FSTL4: variants seen among roughly 807,000 people sequenced by gnomAD.
FSTL4 encodes the protein follistatin-related protein 4.
Under a neutral mutation model 78.2 loss-of-function variants are expected in FSTL4, and 28 were observed. The observed-to-expected ratio is 0.36, with a 90% CI of 0.27 to 0.49. The LOEUF is 0.49. FSTL4 is among the 20% of genes least tolerant of loss of function. FSTL4 has a pLI of 0.98. For missense variants in FSTL4, 922 were observed against 1,084.9 expected (o/e 0.85, Z 2.11); for synonymous variants, 422 against 440.5 (o/e 0.96, Z 0.53).
intron 8 of FSTL4, among the ~76,000 whole-genome samples, chr5:133,227,955 G>A (rs116998924): frequency 1.2e-4 from 18 of 152,344 alleles, no homozygotes; most frequent in East Asian, 7.7e-4. Context: ...GGCCAGGTGC[G>A]GTGGCTCATG....
the FSTL4 span, among the ~76,000 whole-genome samples, chr5:133,625,298 A>T: frequency 6.6e-6 from 1 of 151,796 alleles, no homozygotes; most frequent in African/African-American, 2.4e-5. Flanking sequence ...TTTTCCTAAT[A>T]GTTATAGGAC....
chr5:133,322,138 C>T (rs781711776), intron 4 of FSTL4, among the ~76,000 whole-genome samples: 2 of 151,962 alleles, frequency 1.3e-5, no homozygotes, highest in Non-Finnish European at 2.9e-5. Context: ...AACACAGCTG[C>T]GCTTTCTCAT....
At position 133,201,949 on chromosome 5, in the gene FSTL4, TGAG is replaced by T. The variant is rs753360871; in HGVS notation, c.1807_1809del (p.Leu603del). 1 of 1,595,758 alleles carries T rather than the reference TGAG, an allele frequency of 6.3e-7. No homozygotes were observed. The highest frequency in any genetic ancestry group is 8.6e-7 in the Non-Finnish European group (1 of 1,165,386). ...CAGTCTCACCTGATGTGGTTGATGA[TGAG>T]GTTTGTTGGGGGAATGAAGAAATCA... On this transcript the variant is annotated inframe_deletion, in exon 15 of 16. Transcript: ENST00000265342.
At chr5:133,463,804 C>A (rs1001503365) in intron 3 of FSTL4, among the ~76,000 whole-genome samples, 1 of 152,182 alleles carries the variant, frequency 6.6e-6, no homozygotes, top group Non-Finnish European at 1.5e-5. Context: ...CAAGTGACTG[C>A]ATGAATGAAT....
At chr5:133,452,681 G>A (rs929357186) in intron 3 of FSTL4, among the ~76,000 whole-genome samples, 3 of 152,250 alleles carry the variant, frequency 2.0e-5, no homozygotes, top group Non-Finnish European at 2.9e-5. Context: ...GTCCAAGATC[G>A]CTCAGGTTGT....
chr5:133,526,091 G>A (rs1759092912), intron 3 of FSTL4, among the ~76,000 whole-genome samples: 1 of 152,114 alleles, frequency 6.6e-6, no homozygotes, highest in Non-Finnish European at 1.5e-5. Flanking sequence ...CAGATGAACA[G>A]CTTTGATACC....
At chr5:133,825,318 G>A in the FSTL4 span, among the ~76,000 whole-genome samples, 10 of 152,274 alleles carry the variant, frequency 6.6e-5, no homozygotes, top group Non-Finnish European at 1.2e-4. Flanking sequence ...AGGTCTTTCA[G>A]GTGGGCACCA....
At chr5:133,405,226 A>G (rs950507866) in intron 3 of FSTL4, among the ~76,000 whole-genome samples, 3 of 152,162 alleles carry the variant, frequency 2.0e-5, no homozygotes, top group Non-Finnish European at 2.9e-5. Context: ...TGAGGCCTCA[A>G]TGAGGTGATG....
At chr5:133,300,950 C>T (rs188011677) in intron 6 of FSTL4, among the ~76,000 whole-genome samples, 12 of 152,102 alleles carry the variant, frequency 7.9e-5, no homozygotes, top group South Asian at 2.1e-4. Flanking sequence ...AGGTTGGAGG[C>T]GTCAACTGCT....
the FSTL4 span, among the ~76,000 whole-genome samples, chr5:133,654,632 T>C: frequency 0.22 from 33,232 of 152,142 alleles, 3,868 homozygotes; most frequent in Admixed American, 0.29. Context: ...CTTCTGCTGA[T>C]GATGCTGGTC....
the FSTL4 span, among the ~76,000 whole-genome samples, chr5:133,768,376 T>C: frequency 6.6e-6 from 1 of 152,174 alleles, no homozygotes; most frequent in African/African-American, 2.4e-5. Context: ...GAGCATTTTG[T>C]GGAGGAAAGG....
At chr5:133,655,490 A>G in the FSTL4 span, among the ~76,000 whole-genome samples, 2 of 152,194 alleles carry the variant, frequency 1.3e-5, no homozygotes, top group Admixed American at 1.3e-4. Flanking sequence ...ATCTTTAAGA[A>G]GCTTTTAAGA....
chr5:133,209,783 T>C (rs1750644232), intron 14 of FSTL4: 1 of 181,280 alleles, frequency 5.5e-6, no homozygotes, highest in African/African-American at 2.3e-5. Context: ...TAAGTGGGCT[T>C]TTGTTTACAG....
At chr5:133,739,096 C>A in the FSTL4 span, among the ~76,000 whole-genome samples, 1 of 152,092 alleles carries the variant, frequency 6.6e-6, no homozygotes, top group African/African-American at 2.4e-5. Context: ...GATGGCTACA[C>A]AGCTGCCTAC....
the FSTL4 span, among the ~76,000 whole-genome samples, chr5:133,796,748 G>C: frequency 6.6e-6 from 1 of 152,090 alleles, no homozygotes; most frequent in Non-Finnish European, 1.5e-5. Context: ...GTACAGGATA[G>C]GGGGCATGGT....
chr5:133,321,798 A>C (rs1754061342), intron 4 of FSTL4, among the ~76,000 whole-genome samples: 3 of 152,196 alleles, frequency 2.0e-5, no homozygotes, highest in Non-Finnish European at 2.9e-5. Flanking sequence ...TCCAGAGAAA[A>C]GGTGGGATGC....
chr5:133,485,867 C>T (rs1381026987), intron 3 of FSTL4, among the ~76,000 whole-genome samples: 1 of 152,254 alleles, frequency 6.6e-6, no homozygotes, highest in Non-Finnish European at 1.5e-5. Context: ...CCACAGTTAT[C>T]TGACACATTA....
At chr5:133,492,911 C>G (rs1029166964) in intron 3 of FSTL4, among the ~76,000 whole-genome samples, 1 of 151,856 alleles carries the variant, frequency 6.6e-6, no homozygotes, top group South Asian at 2.1e-4. Flanking sequence ...CTTTGTGTCT[C>G]TCTGAGCTCT....
chr5:133,310,372 G>A (rs909853922), intron 6 of FSTL4, among the ~76,000 whole-genome samples: 3 of 152,230 alleles, frequency 2.0e-5, no homozygotes, highest in African/African-American at 7.2e-5. Context: ...ACATTGCTCT[G>A]TATGAGACAT....
Sources: allele counts gnomAD v4.1 joint callset (sites outside exome capture counted in the v4.1 genomes callset), GRCh38; gene constraint gnomAD v4.1.1; transcripts MANE v1.5; gene names NCBI Gene and HGNC (gene_info 2026-07-23, HGNC 2026-07-21).